ROBO1: variants seen among roughly 807,000 people sequenced by gnomAD.
ROBO1 encodes roundabout guidance receptor 1.
Under a neutral mutation model 195.9 loss-of-function variants are expected in ROBO1, and 149 were observed. That is an observed-to-expected ratio of 0.76 (90% CI 0.67 to 0.87). The LOEUF (loss-of-function observed/expected upper bound fraction) is 0.87. ROBO1 is among the 40% of genes least tolerant of loss of function. The pLI is 0.00. For missense variants in ROBO1, 1,933 were observed against 2,068.3 expected, an observed-to-expected ratio of 0.93 and a Z score of 1.27; for synonymous variants, 816 against 733.2, an observed-to-expected ratio of 1.11 and a Z score of -1.82.
intron 2 of ROBO1, among the ~76,000 whole-genome samples, chr3:79,167,459 T>C (rs977174839): frequency 6.6e-6 from 1 of 152,164 alleles, no homozygotes; most frequent in Non-Finnish European, 1.5e-5. Flanking sequence ...TAAATTCCTA[T>C]AACTTATATC....
At chr3:78,829,961 T>C (rs1240867888) in intron 4 of ROBO1, among the ~76,000 whole-genome samples, 1 of 152,152 alleles carries the variant, frequency 6.6e-6, no homozygotes. Flanking sequence ...AACACAAACT[T>C]ATGGGTGAAT....
intron 2 of ROBO1, among the ~76,000 whole-genome samples, chr3:79,444,792 C>T (rs966073112): frequency 6.6e-6 from 1 of 151,886 alleles, no homozygotes; most frequent in African/African-American, 2.4e-5. Flanking sequence ...TTAAATAATG[C>T]TATATGCATT....
At chr3:79,663,686 T>C (rs1235481462) in intron 1 of ROBO1, among the ~76,000 whole-genome samples, 1 of 151,996 alleles carries the variant, frequency 6.6e-6, no homozygotes, top group African/African-American at 2.4e-5. Flanking sequence ...CTCTTCTAGT[T>C]CTGTAGCACT....
chr3:78,803,001 A>T (rs2084415648), intron 4 of ROBO1, among the ~76,000 whole-genome samples: 1 of 152,104 alleles, frequency 6.6e-6, no homozygotes, highest in South Asian at 2.1e-4. Flanking sequence ...CATATTAGGA[A>T]GTATTTATAT....
chr3:79,637,424 A>C (rs536563517), intron 1 of ROBO1, among the ~76,000 whole-genome samples: 1 of 150,438 alleles, frequency 6.6e-6, no homozygotes, highest in Non-Finnish European at 1.5e-5. Flanking sequence ...TCCTTCCCAA[A>C]CCCTTTTTAA....
At chr3:79,443,616 A>T (rs1292994578) in intron 2 of ROBO1, among the ~76,000 whole-genome samples, 1 of 152,184 alleles carries the variant, frequency 6.6e-6, no homozygotes, top group Non-Finnish European at 1.5e-5. Context: ...TATCTCAACA[A>T]ATGAATTTAA....
intron 3 of ROBO1, among the ~76,000 whole-genome samples, chr3:79,055,556 C>A (rs1448345190): frequency 6.6e-6 from 1 of 152,082 alleles, no homozygotes; most frequent in Admixed American, 6.6e-5. Flanking sequence ...CAAAAAGGTA[C>A]AATTCAGCCT....
At chr3:78,599,507 T>C (rs996796698) in intron 30 of ROBO1, among the ~76,000 whole-genome samples, 8 of 152,200 alleles carry the variant, frequency 5.3e-5, no homozygotes, top group African/African-American at 1.9e-4. Flanking sequence ...CTATATTTAT[T>C]AAAAAATTTT....
At chr3:79,725,732 A>G (rs1359385139) in intron 1 of ROBO1, among the ~76,000 whole-genome samples, 1 of 152,112 alleles carries the variant, frequency 6.6e-6, no homozygotes, top group African/African-American at 2.4e-5. Flanking sequence ...AAAATTTTGT[A>G]TGTCTTCTGT....
chr3:79,437,584 A>T (rs190767143), intron 2 of ROBO1, among the ~76,000 whole-genome samples: 19 of 152,188 alleles, frequency 1.2e-4, no homozygotes, highest in Middle Eastern at 3.4e-3. Context: ...TATTAATACA[A>T]TGAAATATTA....
In ROBO1 at chr3:78,844,601, C is replaced by T. The variant is rs575145851; in HGVS notation, c.499+94000G>A. Among the ~76,000 whole-genome samples, 7 of 152,076 alleles carry T rather than the reference C, an allele frequency of 4.6e-5. No individual in the cohort carries two copies. In the South Asian group the frequency reaches 8.3e-4, roughly 18 times the overall value. ...AATCATTTAGAGGGTTCAGGGATAC[C>T]GTGTGCTTGGGTAACATTGTTCTCC... On this transcript the variant is annotated intron_variant, in intron 4 of 30. Coordinates refer to ENST00000464233, the MANE Select transcript of ROBO1 (RefSeq NM_002941.4).
chr3:78,727,903 T>G (rs2082201921), intron 5 of ROBO1, among the ~76,000 whole-genome samples: 2 of 152,024 alleles, frequency 1.3e-5, no homozygotes, highest in Admixed American at 1.3e-4. Context: ...TCTATAAACA[T>G]GTATATTTTA....
intron 19 of ROBO1, among the ~76,000 whole-genome samples, chr3:78,650,515 T>C (rs1363595055): frequency 6.6e-6 from 1 of 152,214 alleles, no homozygotes; most frequent in African/African-American, 2.4e-5. Flanking sequence ...TTTAGACTGC[T>C]GTCCCATACT....
intron 1 of ROBO1, among the ~76,000 whole-genome samples, chr3:79,638,610 G>A (rs1306673381): frequency 6.6e-6 from 1 of 152,102 alleles, no homozygotes; most frequent in East Asian, 1.9e-4. Flanking sequence ...AACCTGACAA[G>A]CAGATTAATT....
chr3:79,704,473 G>C (rs1947709748), intron 1 of ROBO1, among the ~76,000 whole-genome samples: 1 of 151,892 alleles, frequency 6.6e-6, no homozygotes, highest in African/African-American at 2.4e-5. Flanking sequence ...CTTTCACTTA[G>C]TAATATGCAT....
intron 2 of ROBO1, among the ~76,000 whole-genome samples, chr3:79,575,101 T>TATATATATATAACAAATATATATATAA (rs1943408488): frequency 7.4e-6 from 1 of 136,012 alleles, no homozygotes; most frequent in Non-Finnish European, 1.5e-5. Context: ...TGAAAACAAA[T>TATATATATATAACAAATATATATATAA]ATATATATAT....
intron 3 of ROBO1, among the ~76,000 whole-genome samples, chr3:79,085,628 A>G (rs760678606): frequency 6.6e-6 from 1 of 152,102 alleles, no homozygotes; most frequent in Admixed American, 6.6e-5. Context: ...CACTGCCACA[A>G]TTTTTGTGTC....
intron 2 of ROBO1, among the ~76,000 whole-genome samples, chr3:79,160,567 A>G (rs2080940028): frequency 6.6e-6 from 1 of 152,064 alleles, no homozygotes. Flanking sequence ...TCTGACTCTA[A>G]TTGTAGATGT....
intron 4 of ROBO1, among the ~76,000 whole-genome samples, chr3:78,913,414 T>G (rs328045): frequency 0.31 from 46,545 of 151,872 alleles, 7,233 homozygotes; most frequent in Middle Eastern, 0.33. Context: ...GTTTTCAATT[T>G]TTAAAATGTC....
Sources: allele counts gnomAD v4.1 joint callset (sites outside exome capture counted in the v4.1 genomes callset), GRCh38; gene constraint gnomAD v4.1.1; transcripts MANE v1.5; gene names NCBI Gene and HGNC (gene_info 2026-07-23, HGNC 2026-07-21).